PPP2R2B: variants seen among roughly 807,000 people sequenced by gnomAD.
PPP2R2B encodes the protein serine/threonine-protein phosphatase 2A 55 kDa regulatory subunit B beta isoform.
In PPP2R2B, 5 loss-of-function variants were observed where a neutral mutation model predicts 46.0. The observed-to-expected ratio is 0.11, with a 90% CI of 0.06 to 0.23. The LOEUF (loss-of-function observed/expected upper bound fraction) is 0.23, where lower values mean the gene tolerates loss of function less well. Ranked by LOEUF, PPP2R2B falls within the 10% of genes least tolerant of loss-of-function variation. PPP2R2B has a pLI of 1.00. For synonymous variants in PPP2R2B, 215 were observed against 206.7 expected (o/e 1.04, Z -0.34); for missense variants, 367 against 575.0 (o/e 0.64, Z 3.70).
At chr5:147,006,761 C>A (rs546615809) in intron 1 of PPP2R2B, among the ~76,000 whole-genome samples, 2 of 152,168 alleles carry the variant, frequency 1.3e-5, no homozygotes, top group Non-Finnish European at 2.9e-5. Flanking sequence ...GGACTCTGCA[C>A]CTTCTTAGGG....
upstream of PPP2R2B, among the ~76,000 whole-genome samples, chr5:146,881,802 T>C (rs1054806605): frequency 6.6e-6 from 1 of 152,218 alleles, no homozygotes; most frequent in Non-Finnish European, 1.5e-5. Context: ...AATGAATAAA[T>C]TGCTGAATAT....
chr5:146,920,019 C>T lies in PPP2R2B; in HGVS notation c.79+135646G>A, dbSNP rs903914168. On this transcript the variant is annotated intron_variant, in intron 1 of 8. Transcript: ENST00000336640. ...TTTGCTCATCTAAAAAATGGGCTTACAAATATAAGTAATTACCAAAGATAT... is the reference window on the plus strand; with the variant it reads ...TTTGCTCATCTAAAAAATGGGCTTATAAATATAAGTAATTACCAAAGATAT... 9.9e-5 allele frequency among the ~76,000 whole-genome samples: 15 copies of T among 151,874 alleles called. 1 individual carries two copies. Among genetic ancestry groups the T allele is most frequent in the Admixed American group, 9.8e-4 (15 of 15,246 alleles).
intron 5 of PPP2R2B, among the ~76,000 whole-genome samples, chr5:146,690,615 G>C (rs977706951): frequency 2.0e-5 from 3 of 152,170 alleles, no homozygotes; most frequent in African/African-American, 7.2e-5. Flanking sequence ...ATAAGTCCAC[G>C]AGCAGTACGT....
chr5:146,603,923 T>C (rs894826787), intron 7 of PPP2R2B, among the ~76,000 whole-genome samples: 2 of 152,344 alleles, frequency 1.3e-5, no homozygotes, highest in South Asian at 4.1e-4. Flanking sequence ...CATGATGCCA[T>C]GTAGAAGACC....
intron 2 of PPP2R2B, among the ~76,000 whole-genome samples, chr5:146,779,817 C>T (rs1251065827): frequency 6.6e-6 from 1 of 152,104 alleles, no homozygotes. Flanking sequence ...GTGTGCCTCC[C>T]TCCCTTCTGT....
chr5:146,903,863 T>C (rs1234012919), intron 1 of PPP2R2B, among the ~76,000 whole-genome samples: 1 of 152,206 alleles, frequency 6.6e-6, no homozygotes, highest in African/African-American at 2.4e-5. Context: ...ATTATTGACC[T>C]TACAGGGTAA....
intron 2 of PPP2R2B, among the ~76,000 whole-genome samples, chr5:146,735,388 G>A (rs180978519): frequency 6.0e-4 from 91 of 152,014 alleles, no homozygotes; most frequent in African/African-American, 2.2e-3. Flanking sequence ...GAACCCTGAG[G>A]GGATTTGCAG....
At chr5:147,078,001 G>A (rs574725934) in intron 2 of PPP2R2B, among the ~76,000 whole-genome samples, 1 of 152,304 alleles carries the variant, frequency 6.6e-6, no homozygotes, top group South Asian at 2.1e-4. Flanking sequence ...TGTTTAAAGA[G>A]CAGGGGCTTT....
chr5:146,693,932 G>A (rs985851813), intron 4 of PPP2R2B, among the ~76,000 whole-genome samples: 14 of 152,264 alleles, frequency 9.2e-5, no homozygotes, highest in South Asian at 2.1e-4. Context: ...GAGAAAAGCC[G>A]TCCCTCTGGG....
chr5:146,687,027 G>A (rs183192468), intron 5 of PPP2R2B, among the ~76,000 whole-genome samples: 26 of 150,270 alleles, frequency 1.7e-4, no homozygotes, highest in Admixed American at 2.7e-4. Flanking sequence ...GTGTGTGTAT[G>A]TGTGTGTGTG....
At chr5:146,867,941 C>T (rs1383389887) in intron 2 of PPP2R2B, among the ~76,000 whole-genome samples, 1 of 152,206 alleles carries the variant, frequency 6.6e-6, no homozygotes, top group Non-Finnish European at 1.5e-5. Context: ...AAAAATTATG[C>T]TCCCTTGGAG....
At chr5:146,748,723 T>A (rs1034288420) in intron 2 of PPP2R2B, among the ~76,000 whole-genome samples, 2 of 152,246 alleles carry the variant, frequency 1.3e-5, no homozygotes, top group African/African-American at 4.8e-5. Context: ...TCCTTTTTAA[T>A]TGCTGAATAG....
chr5:146,687,338 C>A (rs1250072268), intron 5 of PPP2R2B, among the ~76,000 whole-genome samples: 1 of 152,090 alleles, frequency 6.6e-6, no homozygotes, highest in Non-Finnish European at 1.5e-5. Context: ...CAAAGTAGAT[C>A]AAAGCTTGGT....
At chr5:146,772,960 C>T (rs545259578) in intron 2 of PPP2R2B, among the ~76,000 whole-genome samples, 1 of 152,324 alleles carries the variant, frequency 6.6e-6, no homozygotes, top group East Asian at 1.9e-4. Context: ...AAGGACAAGA[C>T]TTAAGCTTTT....
At chr5:146,895,654 G>A (rs1428732365) in intron 1 of PPP2R2B, among the ~76,000 whole-genome samples, 1 of 152,148 alleles carries the variant, frequency 6.6e-6, no homozygotes, top group Non-Finnish European at 1.5e-5. Flanking sequence ...ATAAACAGTT[G>A]TTAACTAGTA....
At chr5:146,797,185 C>T (rs1471388267) in intron 2 of PPP2R2B, among the ~76,000 whole-genome samples, 1 of 152,178 alleles carries the variant, frequency 6.6e-6, no homozygotes. Context: ...TGTAGTGTGA[C>T]TACAATCATG....
At chr5:146,652,497 A>C (rs1663333) in intron 5 of PPP2R2B, among the ~76,000 whole-genome samples, 114,982 of 151,928 alleles carry the variant, frequency 0.76, 44,406 homozygotes, top group East Asian at 0.83. Context: ...GAGAGGATAT[A>C]CTGCCAAGAG....
At chr5:146,735,001 A>C (rs1462702890) in intron 2 of PPP2R2B, among the ~76,000 whole-genome samples, 1 of 152,194 alleles carries the variant, frequency 6.6e-6, no homozygotes, top group Admixed American at 6.5e-5. Context: ...AAGAAGTAAG[A>C]AGGCCAAGGG....
At chr5:146,868,377 G>C (rs1761429372) in intron 2 of PPP2R2B, among the ~76,000 whole-genome samples, 1 of 152,166 alleles carries the variant, frequency 6.6e-6, no homozygotes, top group Non-Finnish European at 1.5e-5. Flanking sequence ...AATTTCTGGG[G>C]TCATTTAAAG....
Sources: gnomAD v4.1 joint callset for allele counts (sites outside exome capture counted in the v4.1 genomes callset) on GRCh38, gnomAD v4.1.1 for gene constraint, MANE v1.5 for transcripts, NCBI Gene and HGNC (gene_info 2026-07-23, HGNC 2026-07-21) for gene names.